ASTN2: variants seen among roughly 807,000 people sequenced by gnomAD.
ASTN2 encodes astrotactin-2.
In ASTN2, 54 loss-of-function variants were observed where a neutral mutation model predicts 139.8. The ratio of observed to expected loss-of-function variants is 0.39; its 90% confidence interval spans 0.31 to 0.48. ASTN2 has a LOEUF of 0.48. Among genes scored for constraint, ASTN2 ranks in the 20% least tolerant of loss-of-function variants. ASTN2 has a pLI of 0.95. For missense variants in ASTN2, 1,565 were observed against 1,725.1 expected (o/e 0.91, Z 1.64); for synonymous variants, 756 against 719.5 (o/e 1.05, Z -0.81).
At chr9:117,309,179 T>C (rs1827887272) in intron 1 of ASTN2, among the ~76,000 whole-genome samples, 1 of 152,240 alleles carries the variant, frequency 6.6e-6, no homozygotes, top group Non-Finnish European at 1.5e-5. Flanking sequence ...CACACAGTAT[T>C]TCAGCAGCAG....
intron 1 of ASTN2, among the ~76,000 whole-genome samples, chr9:117,321,013 C>G (rs1052170150): frequency 1.3e-5 from 2 of 152,216 alleles, no homozygotes; most frequent in Non-Finnish European, 2.9e-5. Context: ...TGCCCATCTC[C>G]TCCACAACTC....
At chr9:117,233,837 G>A (rs1294141088) in intron 2 of ASTN2, among the ~76,000 whole-genome samples, 1 of 152,162 alleles carries the variant, frequency 6.6e-6, no homozygotes, top group African/African-American at 2.4e-5. Context: ...GAGTGTAACA[G>A]TGGTCATAAT....
At position 116,751,803 on chromosome 9, in the gene ASTN2, A is replaced by T. The variant is rs537484582; in HGVS notation, c.2397-18280T>A. On this transcript the variant is annotated intron_variant, in intron 13 of 22. Coordinates refer to ENST00000313400, the MANE Select transcript of ASTN2 (RefSeq NM_001365068.1). ...AAATACTTGGGTATAAATCTAACAA[A>T]ATACATAGAAGATCTATATAAGGAA... 2.9e-4 allele frequency among the ~76,000 whole-genome samples: 44 copies of T among 152,286 alleles called. No individual in the cohort carries two copies. The South Asian group carries it at 6.0e-3, about 21-fold the overall frequency.
chr9:116,711,058 T>C (rs1422087188), intron 16 of ASTN2, among the ~76,000 whole-genome samples: 1 of 152,186 alleles, frequency 6.6e-6, no homozygotes, highest in African/African-American at 2.4e-5. Context: ...CATTAATTGA[T>C]ACACTGGAAG....
intron 16 of ASTN2, among the ~76,000 whole-genome samples, chr9:116,712,529 T>C (rs1458112178): frequency 6.6e-6 from 1 of 152,162 alleles, no homozygotes; most frequent in Non-Finnish European, 1.5e-5. Flanking sequence ...TATGTTGACA[T>C]ATGTGAGCAC....
intron 17 of ASTN2, among the ~76,000 whole-genome samples, chr9:116,633,193 A>G (rs747999639): frequency 9.2e-5 from 14 of 152,248 alleles, no homozygotes; most frequent in Non-Finnish European, 1.9e-4. Flanking sequence ...AACATCGGTT[A>G]TAACTCTAGG....
At chr9:117,011,141 G>A (rs1235916209) in intron 6 of ASTN2, among the ~76,000 whole-genome samples, 1 of 152,172 alleles carries the variant, frequency 6.6e-6, no homozygotes, top group African/African-American at 2.4e-5. Context: ...TATGAACTTA[G>A]AAGCTCTAAA....
At chr9:116,815,737 G>A (rs530615083) in intron 12 of ASTN2, among the ~76,000 whole-genome samples, 46 of 142,316 alleles carry the variant, frequency 3.2e-4, no homozygotes, top group Admixed American at 5.9e-4. Context: ...CCTGGGAGGC[G>A]GAGCTTGTAG....
At chr9:116,447,076 T>C (rs1393346582) in intron 20 of ASTN2, among the ~76,000 whole-genome samples, 1 of 152,134 alleles carries the variant, frequency 6.6e-6, no homozygotes, top group African/African-American at 2.4e-5. Context: ...CCCACTCTGC[T>C]TCACAGCAGA....
chr9:116,799,703 G>C (rs962988014), intron 13 of ASTN2, among the ~76,000 whole-genome samples: 3 of 111,774 alleles, frequency 2.7e-5, no homozygotes, highest in Non-Finnish European at 3.4e-5. Context: ...GTGGGTAAGA[G>C]AGTGGGGGGG....
intron 5 of ASTN2, among the ~76,000 whole-genome samples, chr9:117,075,000 C>T (rs1828241149): frequency 6.6e-6 from 1 of 152,160 alleles, no homozygotes; most frequent in South Asian, 2.1e-4. Context: ...CTACACCTCA[C>T]CCACTGTCAG....
intron 19 of ASTN2, among the ~76,000 whole-genome samples, chr9:116,604,174 C>T (rs935018221): frequency 1.3e-5 from 2 of 152,068 alleles, no homozygotes; most frequent in African/African-American, 4.8e-5. Flanking sequence ...AGGACATAGA[C>T]CATAGTAACA....
rs55822849 is a variant in ASTN2, at chr9:116,536,164, T to C, written c.3356-48664A>G. On this transcript the variant is annotated intron_variant, in intron 19 of 22. Transcript: ENST00000313400. ...TGATCAAATCGGCTACTGAAGCTTG[T>C]GCATTCGTCACGTAGTTATCGTGCC... Among the ~76,000 whole-genome samples the C allele has an allele frequency of 6.8e-4, 103 of 152,134 alleles. 1 individual carries two copies. The highest frequency in any genetic ancestry group is 2.4e-3 in the African/African-American group (100 of 41,464).
At chr9:116,565,387 CCA>C (rs869042815) in intron 19 of ASTN2, among the ~76,000 whole-genome samples, 699 of 41,774 alleles carry the variant, frequency 0.017, 24 homozygotes, top group East Asian at 0.041. Context: ...CTCTCTCTCT[CCA>C]TATATATATA....
intron 2 of ASTN2, among the ~76,000 whole-genome samples, chr9:117,271,548 G>C (rs1049262679): frequency 6.6e-6 from 1 of 152,094 alleles, no homozygotes; most frequent in African/African-American, 2.4e-5. Context: ...AAAGTCCACA[G>C]TCCAAAGTCT....
chr9:116,777,931 C>T (rs1012097462), intron 13 of ASTN2, among the ~76,000 whole-genome samples: 5 of 152,246 alleles, frequency 3.3e-5, no homozygotes, highest in African/African-American at 1.2e-4. Context: ...CAACCTCCAC[C>T]TCCCGGGTTC....
intron 19 of ASTN2, chr9:116,582,102 C>T (rs1398613020): frequency 6.6e-6 from 1 of 152,120 alleles, no homozygotes; most frequent in Non-Finnish European, 1.5e-5. Context: ...TTTCACTGTC[C>T]ATATGTGAAG....
chr9:117,405,742 T>G (rs1190975938), intron 1 of ASTN2, among the ~76,000 whole-genome samples: 2 of 152,252 alleles, frequency 1.3e-5, no homozygotes, highest in Non-Finnish European at 2.9e-5. Flanking sequence ...CCTGGAACCA[T>G]GGTGTATCAT....
intron 16 of ASTN2, among the ~76,000 whole-genome samples, chr9:116,724,336 A>G (rs1263212036): frequency 2.0e-5 from 3 of 152,194 alleles, no homozygotes; most frequent in Non-Finnish European, 4.4e-5. Flanking sequence ...AGACAACTCA[A>G]TTATATCCAC....
Sources: allele counts gnomAD v4.1 joint callset (sites outside exome capture counted in the v4.1 genomes callset), GRCh38; gene constraint gnomAD v4.1.1; transcripts MANE v1.5; gene names NCBI Gene and HGNC (gene_info 2026-07-23, HGNC 2026-07-21).